Variants in SMYD3 observed in about 807,000 individuals in gnomAD.
SMYD3 encodes SET and MYND domain containing 3.
In SMYD3, 36 loss-of-function variants were observed where a neutral mutation model predicts 57.7. That is an observed-to-expected ratio of 0.62 (90% CI 0.48 to 0.82). The LOEUF (loss-of-function observed/expected upper bound fraction) is 0.82. SMYD3 is among the 40% of genes least tolerant of loss of function. SMYD3 has a pLI of 0.00. For missense variants in SMYD3, 515 were observed against 538.8 expected (o/e 0.96, Z 0.44); for synonymous variants, 211 against 195.0 (o/e 1.08, Z -0.68).
Position 246,045,817 on chromosome 1 carries a change from T to G in SMYD3, c.532-115880A>C, listed in dbSNP as rs184985190. Among the ~76,000 whole-genome samples the G allele has an allele frequency of 6.6e-5, 10 of 151,998 alleles. No individual in the cohort carries two copies. In the East Asian group the frequency reaches 1.9e-3, roughly 29 times the overall value. On this transcript the variant is annotated intron_variant, in intron 5 of 11. Coordinates refer to ENST00000490107, the MANE Select transcript of SMYD3 (RefSeq NM_001167740.2). ...ACCCCATCAAAAAGTGGGCAAAGGA[T>G]ATGAACAGACACTTCTCAAAAGAAG...
intron 1 of SMYD3, among the ~76,000 whole-genome samples, chr1:246,375,325 CTTTTTTTTTT>C (rs60882470): frequency 4.8e-5 from 3 of 62,246 alleles, no homozygotes; most frequent in Non-Finnish European, 8.8e-5. Context: ...TAATGAGAGA[CTTTTTTTTTT>C]TTTTTTTTTT....
chr1:246,501,553 C>T (rs958391068), intron 1 of SMYD3, among the ~76,000 whole-genome samples: 2 of 152,198 alleles, frequency 1.3e-5, no homozygotes, highest in Non-Finnish European at 2.9e-5. Flanking sequence ...ATGAGGACCT[C>T]TAATCCATTG....
At chr1:245,941,714 G>T (rs1270152543) in intron 5 of SMYD3, among the ~76,000 whole-genome samples, 1 of 151,968 alleles carries the variant, frequency 6.6e-6, no homozygotes, top group African/African-American at 2.4e-5. Context: ...GTAGAGACAG[G>T]TTTTCAACAT....
Position 245,915,566 on chromosome 1 carries a change from A to G in SMYD3, c.777T>C (p.Phe259=). 6.2e-7 allele frequency: 1 copy of G among 1,613,902 alleles called. No homozygotes were observed. Among genetic ancestry groups the G allele is most frequent in the Non-Finnish European group, 8.5e-7 (1 of 1,179,870 alleles). The part of the protein sequence containing the change: ...RRKQLRDQYC[F]ECDCFRCQTQ... The stretch of plus-strand genomic sequence containing the variant: ...TTTGGCAACGGAAACAGTCACATTC[A>G]AAGCAGTACTGGTCCCTCAGCTGCT... Residue 259 remains phenylalanine (F), a synonymous_variant, in exon 8 of 12, where the codon TTT becomes TTC. Transcript: ENST00000490107.
chr1:246,394,084 T>C (rs140307760), intron 1 of SMYD3, among the ~76,000 whole-genome samples: 210 of 152,286 alleles, frequency 1.4e-3, no homozygotes, highest in Middle Eastern at 0.01. Flanking sequence ...TCCTAATAAA[T>C]AACTGTTATC....
intron 1 of SMYD3, chr1:246,483,891 A>T (rs2068146626): frequency 6.6e-6 from 1 of 152,214 alleles, no homozygotes; most frequent in African/African-American, 2.4e-5. Context: ...TTGCTTTTTC[A>T]CAATTGTAAC....
At chr1:245,988,300 T>G in intron 5 of SMYD3, 1 of 152,222 alleles carries the variant, frequency 6.6e-6, no homozygotes, top group East Asian at 1.9e-4. Context: ...CCATTTCCAG[T>G]TCTGATTCAG....
intron 1 of SMYD3, among the ~76,000 whole-genome samples, chr1:246,398,928 G>A (rs1323830110): frequency 2.0e-5 from 3 of 152,086 alleles, no homozygotes; most frequent in East Asian, 1.9e-4. Context: ...ATTGCCCAGC[G>A]TAATTAGTCA....
At chr1:246,416,240 C>A (rs891822836) in intron 1 of SMYD3, among the ~76,000 whole-genome samples, 12 of 152,164 alleles carry the variant, frequency 7.9e-5, no homozygotes, top group African/African-American at 2.9e-4. Context: ...AACCCACTCC[C>A]AATTTCTTAC....
intron 1 of SMYD3, among the ~76,000 whole-genome samples, chr1:246,434,486 A>C (rs138593199): frequency 6.6e-6 from 1 of 152,242 alleles, no homozygotes; most frequent in Non-Finnish European, 1.5e-5. Context: ...AAAATGGGCA[A>C]ATATATGAAT....
chr1:246,277,863 G>A (rs971326341), intron 5 of SMYD3, among the ~76,000 whole-genome samples: 7 of 152,212 alleles, frequency 4.6e-5, no homozygotes, highest in Admixed American at 6.5e-5. Flanking sequence ...GCTGCAGCCA[G>A]ACGTGTAGGA....
chr1:245,983,079 G>A (rs949511537), intron 5 of SMYD3, among the ~76,000 whole-genome samples: 1 of 152,148 alleles, frequency 6.6e-6, no homozygotes, highest in Non-Finnish European at 1.5e-5. Flanking sequence ...GACTTCCAAC[G>A]TGATCTTTCC....
At chr1:245,974,370 A>C (rs1190793367) in intron 5 of SMYD3, among the ~76,000 whole-genome samples, 1 of 152,150 alleles carries the variant, frequency 6.6e-6, no homozygotes, top group African/African-American at 2.4e-5. Flanking sequence ...AATCCATGTC[A>C]TCCAGTCTAT....
At chr1:246,459,564 T>C (rs917851803) in intron 1 of SMYD3, among the ~76,000 whole-genome samples, 25 of 152,310 alleles carry the variant, frequency 1.6e-4, no homozygotes, top group African/African-American at 6.0e-4. Context: ...AGATTTCCCT[T>C]CTCCTTCGCT....
At chr1:246,240,057 A>G (rs554888566) in intron 5 of SMYD3, among the ~76,000 whole-genome samples, 22 of 152,198 alleles carry the variant, frequency 1.4e-4, no homozygotes, top group African/African-American at 4.8e-4. Flanking sequence ...TCACTCTGAT[A>G]GTAGGTTCTT....
At position 245,806,104 on chromosome 1, in the gene SMYD3, G is replaced by A. The variant is rs181344142; in HGVS notation, c.1077-41955C>T. 2.7e-4 allele frequency among the ~76,000 whole-genome samples: 41 copies of A among 152,242 alleles called. 1 individual carries two copies. The South Asian group carries it at 6.2e-3, about 23-fold the overall frequency. ...CTGGGAAGACAGTTATGAAGAAGAC[G>A]GGGTCTTTCCAGTTGTTCAACTTTT... On this transcript the variant is annotated intron_variant, in intron 10 of 11. Transcript: ENST00000490107.
intron 1 of SMYD3, among the ~76,000 whole-genome samples, chr1:246,453,037 G>A (rs1171379178): frequency 6.6e-6 from 1 of 152,186 alleles, no homozygotes; most frequent in African/African-American, 2.4e-5. Context: ...TTTTTACAGT[G>A]CTTACTATAT....
intron 5 of SMYD3, among the ~76,000 whole-genome samples, chr1:246,042,154 A>G (rs1052947792): frequency 5.3e-5 from 8 of 152,234 alleles, no homozygotes; most frequent in Non-Finnish European, 1.2e-4. Context: ...TGGAAGGCAC[A>G]GCTACAAAGA....
At position 246,199,337 on chromosome 1, in the gene SMYD3, A is replaced by G. The variant is rs568522274; in HGVS notation, c.531+127864T>C. On this transcript the variant is annotated intron_variant, in intron 5 of 11. Transcript: ENST00000490107. The stretch of plus-strand genomic sequence containing the variant: ...ACACCCCAGGGACAGGGAACCTGAT[A>G]TTTCTCTTCTATGAATGCACTCAGC... Among the ~76,000 whole-genome samples, 442 of 152,294 alleles carry G rather than the reference A, an allele frequency of 2.9e-3. 2 individuals carry two copies. Among genetic ancestry groups the G allele is most frequent in the Middle Eastern group, 0.014 (4 of 294 alleles).
Sources: gnomAD v4.1 joint callset for allele counts (sites outside exome capture counted in the v4.1 genomes callset) on GRCh38, gnomAD v4.1.1 for gene constraint, MANE v1.5 for transcripts, NCBI Gene and HGNC (gene_info 2026-07-23, HGNC 2026-07-21) for gene names.